Variants in NTM observed in about 807,000 individuals in gnomAD.
The protein encoded by NTM is neurotrimin.
Under a neutral mutation model 42.1 loss-of-function variants are expected in NTM, and 13 were observed. That is an observed-to-expected ratio of 0.31 (90% CI 0.20 to 0.49). The LOEUF is 0.49. Ranked by LOEUF, NTM falls within the 20% of genes least tolerant of loss-of-function variation. The pLI, the probability that NTM is intolerant of heterozygous loss-of-function variation, is 0.99. For missense variants in NTM, 373 were observed against 452.8 expected, an observed-to-expected ratio of 0.82 and a Z score of 1.60; for synonymous variants, 187 against 179.2, an observed-to-expected ratio of 1.04 and a Z score of -0.35.
In NTM at chr11:131,735,262, A is replaced by G. The variant is rs531120877; in HGVS notation, c.83-176302A>G. ...TTCACAGCTGCCCAGGTCCTGGAGAAAGCTTTGTGGTATTTAAATGGGGTT... is the reference window on the plus strand; with the variant it reads ...TTCACAGCTGCCCAGGTCCTGGAGAGAGCTTTGTGGTATTTAAATGGGGTT... On this transcript the variant is annotated intron_variant, in intron 1 of 8. Transcript: ENST00000683400. Among the ~76,000 whole-genome samples the G allele has an allele frequency of 3.4e-4, 52 of 152,348 alleles. No individual in the cohort carries two copies. The South Asian group carries it at 0.01, about 30-fold the overall frequency.
chr11:131,555,576 G>A (rs570642296), intron 1 of NTM, among the ~76,000 whole-genome samples: 2 of 152,324 alleles, frequency 1.3e-5, no homozygotes, highest in East Asian at 3.9e-4. Context: ...GGTAGATTTG[G>A]AGTAAGTAAA....
chr11:131,671,109 A>G (rs813146), intron 1 of NTM, among the ~76,000 whole-genome samples: 116,331 of 152,046 alleles, frequency 0.77, 44,566 homozygotes, highest in Admixed American at 0.8. Flanking sequence ...TTTCTCTCCA[A>G]GCAAAAGCGC....
At chr11:131,804,543 T>G (rs1389727716) in intron 1 of NTM, among the ~76,000 whole-genome samples, 3 of 152,156 alleles carry the variant, frequency 2.0e-5, no homozygotes, top group African/African-American at 7.2e-5. Flanking sequence ...TCAGCGTTCC[T>G]TTTCCCATCC....
At position 131,911,597 on chromosome 11, in the gene NTM, C is replaced by G. The variant is rs1403786641; in HGVS notation, c.116C>G (p.Pro39Arg). 6.2e-7 allele frequency: 1 copy of G among 1,614,210 alleles called. No individual in the cohort carries two copies. Residue 39 changes from proline to arginine, a missense_variant, in exon 2 of 9, where the codon CCC (proline) becomes CGC (arginine). By Grantham distance (103) the Pro-to-Arg change is moderately radical. Coordinates refer to ENST00000683400, the MANE Select transcript of NTM (RefSeq NM_001352005.2). ...GTGCGCAGCGGAGATGCCACCTTCC[C>G]CAAAGCTATGGACAACGTGACGGTC... ...VPVRSGDATF[P>R]KAMDNVTVRQ...
At chr11:131,643,533 A>G (rs1004136462) in intron 1 of NTM, among the ~76,000 whole-genome samples, 2 of 151,884 alleles carry the variant, frequency 1.3e-5, no homozygotes, top group Non-Finnish European at 2.9e-5. Flanking sequence ...CTAGGGCTCT[A>G]CTCAACTCTC....
rs187858278 is a variant in NTM at position 131,636,342 on chromosome 11, C to G, written c.82+265454C>G. Among the ~76,000 whole-genome samples the G allele has an allele frequency of 3.0e-3, 454 of 152,232 alleles. 1 individual carries two copies. Among genetic ancestry groups the G allele is most frequent in the African/African-American group, 0.01 (422 of 41,534 alleles). On this transcript the variant is annotated intron_variant, in intron 1 of 8. Coordinates refer to ENST00000683400, the MANE Select transcript of NTM (RefSeq NM_001352005.2). ...TGTCTCTTGGTATCTGCAGCAGATTCGTTCCAGGACCCCCACAAATACCAA... is the reference window on the plus strand; with the variant it reads ...TGTCTCTTGGTATCTGCAGCAGATTGGTTCCAGGACCCCCACAAATACCAA...
intron 4 of NTM, among the ~76,000 whole-genome samples, chr11:132,212,972 G>C (rs115050897): frequency 1.3e-5 from 2 of 150,326 alleles, no homozygotes; most frequent in African/African-American, 4.9e-5. Context: ...AAAAAAAAGA[G>C]TATGCAATAT....
chr11:131,962,414 T>C (rs1287114768), intron 2 of NTM, among the ~76,000 whole-genome samples: 1 of 152,178 alleles, frequency 6.6e-6, no homozygotes, highest in East Asian at 1.9e-4. Context: ...TTGAAGGTGA[T>C]TGGATCATGA....
At chr11:131,600,953 C>G (rs1031043472) in intron 1 of NTM, among the ~76,000 whole-genome samples, 6 of 152,140 alleles carry the variant, frequency 3.9e-5, no homozygotes, top group African/African-American at 1.4e-4. Flanking sequence ...TCTGATTTGC[C>G]CATCTGCTTC....
rs1429137777 is a variant in NTM, at chr11:131,681,148, T to C, written c.83-230416T>C. Among the ~76,000 whole-genome samples, 2 of 59,314 alleles carry C rather than the reference T, an allele frequency of 3.4e-5. 1 individual carries two copies. The highest frequency in any genetic ancestry group is 9.1e-5 in the African/African-American group (2 of 22,038). The allele number at this position is 59,314 out of a possible 152,430, so 38.9% of individuals were successfully genotyped here. A position where few individuals can be genotyped will look rare whatever the true frequency, so the allele number is the denominator to read the frequency against. On this transcript the variant is annotated intron_variant, in intron 1 of 8. Transcript: ENST00000683400. ...GTGTTTCTGTGTATGTATGTTTCCC[T>C]GTGTGTGTGAGCATGTGTGTTTCTG... is the stretch of plus-strand genomic sequence containing the variant.
At chr11:131,430,302 C>T (rs1347499837) in intron 1 of NTM, among the ~76,000 whole-genome samples, 2 of 152,122 alleles carry the variant, frequency 1.3e-5, no homozygotes, top group Non-Finnish European at 2.9e-5. Context: ...ATGAGGAAGA[C>T]TTATCCATAC....
intron 1 of NTM, among the ~76,000 whole-genome samples, chr11:131,390,153 T>C (rs75667840): frequency 0.017 from 2,575 of 152,292 alleles, 77 homozygotes; most frequent in African/African-American, 0.059. Context: ...AGGAAGCTTT[T>C]AGTCATGGCC....
chr11:131,782,115 T>G (rs1468869434), intron 1 of NTM, among the ~76,000 whole-genome samples: 1 of 152,156 alleles, frequency 6.6e-6, no homozygotes, highest in African/African-American at 2.4e-5. Context: ...CGTTTATTAT[T>G]TGAAAAGATC....
chr11:132,292,633 A>T (rs1364178233), intron 4 of NTM, among the ~76,000 whole-genome samples: 2 of 151,830 alleles, frequency 1.3e-5, no homozygotes, highest in East Asian at 3.9e-4. Context: ...CCTACAGCAG[A>T]CACAGAGGAG....
At chr11:132,224,375 G>A (rs1023456850) in intron 4 of NTM, among the ~76,000 whole-genome samples, 5 of 152,076 alleles carry the variant, frequency 3.3e-5, no homozygotes, top group African/African-American at 9.7e-5. Flanking sequence ...AGGTGGGGGA[G>A]AGTGAAAGAT....
intron 4 of NTM, among the ~76,000 whole-genome samples, chr11:132,274,768 A>T (rs2093639435): frequency 6.6e-6 from 1 of 152,164 alleles, no homozygotes; most frequent in Non-Finnish European, 1.5e-5. Flanking sequence ...TGTGCTATTC[A>T]ATGGAGTATA....
At chr11:131,662,345 C>T (rs375658786) in intron 1 of NTM, 1 of 152,178 alleles carries the variant, frequency 6.6e-6, no homozygotes, top group Non-Finnish European at 1.5e-5. Context: ...TCATTTCCTC[C>T]GAAGACACTG....
intron 1 of NTM, among the ~76,000 whole-genome samples, chr11:131,719,594 G>T (rs1300831180): frequency 6.6e-6 from 1 of 152,182 alleles, no homozygotes; most frequent in Non-Finnish European, 1.5e-5. Flanking sequence ...TTTCTGGATG[G>T]TCCTCTGGGT....
rs796336786 is a variant in NTM, at chr11:131,563,870, A to G, written c.82+192982A>G. 1.1e-4 allele frequency among the ~76,000 whole-genome samples: 17 copies of G among 152,108 alleles called. 1 individual carries two copies. The highest frequency in any genetic ancestry group is 3.6e-4 in the African/African-American group (15 of 41,520). On this transcript the variant is annotated intron_variant, in intron 1 of 8. Transcript: ENST00000683400. ...CCTGGCTCTCTATGCTAGGTTCCCA[A>G]TGGCCCCTAGAGCAAACCATCTCTA...
Sources: gnomAD v4.1 joint callset for allele counts (sites outside exome capture counted in the v4.1 genomes callset) on GRCh38, gnomAD v4.1.1 for gene constraint, MANE v1.5 for transcripts, NCBI Gene and HGNC (gene_info 2026-07-23, HGNC 2026-07-21) for gene names.